ZNF736: variants seen among roughly 807,000 people sequenced by gnomAD.
ZNF736 encodes zinc finger protein 736.
In ZNF736, 6 loss-of-function variants were observed where a neutral mutation model predicts 11.7. That is an observed-to-expected ratio of 0.51 (90% CI 0.28 to 1.01). The LOEUF (loss-of-function observed/expected upper bound fraction) is 1.01. Ranked by LOEUF, ZNF736 falls within the 50% of genes least tolerant of loss-of-function variation. The pLI, the probability that ZNF736 is intolerant of heterozygous loss-of-function variation, is 0.09. For synonymous variants in ZNF736, 139 were observed against 164.7 expected (o/e 0.84, Z 1.19); for missense variants, 444 against 496.0 (o/e 0.90, Z 1.00).
chr7:64,336,204 T>G (rs1268697049), intron 1 of ZNF736, 55 bp from the exon 2 acceptor site: 20 of 1,571,768 alleles, frequency 1.3e-5, no homozygotes, highest in Non-Finnish European at 1.7e-5. Context: ...TTTTACCTGA[T>G]GTCAAATCAA....
rs183085180 is a variant in ZNF736 at position 64,322,461 on chromosome 7, C to T, written c.3+8308C>T. 2.6e-3 allele frequency among the ~76,000 whole-genome samples: 389 copies of T among 152,132 alleles called. 2 individuals are homozygous for T. Among genetic ancestry groups the T allele is most frequent in the African/African-American group, 9.1e-3 (378 of 41,518 alleles). ...CCTTTGGGAATCATGTTTGATAATGCTATGTACAATATGCCAAGCACTGTT... is the reference window on the plus strand; with the variant it reads ...CCTTTGGGAATCATGTTTGATAATGTTATGTACAATATGCCAAGCACTGTT... On this transcript the variant is annotated intron_variant, in intron 1 of 3. Transcript: ENST00000423484.
intron 1 of ZNF736, among the ~76,000 whole-genome samples, 164 bp downstream of exon 1, chr7:64,314,317 A>T (rs1340025597): frequency 1.3e-5 from 2 of 152,130 alleles, no homozygotes; most frequent in Admixed American, 1.3e-4. Flanking sequence ...ATCGCAGATT[A>T]GGGGCTGAGC....
rs756205954 is a variant in ZNF736, at chr7:64,348,804, C to A, written c.941C>A (p.Thr314Lys). Residue 314 changes from threonine to lysine, a missense_variant, in exon 4 of 4, where the codon ACA becomes AAA. Thr to Lys is a moderately conservative substitution (Grantham distance 78, BLOSUM62 -1). Coordinates refer to ENST00000423484, the MANE Select transcript of ZNF736 (RefSeq NM_001170905.3). ...KIIHTGDKPY[T>K]CNECGKAFKW... ...ATTCATACTGGAGACAAACCCTACA[C>A]ATGTAATGAATGTGGAAAAGCTTTT... is the stretch of plus-strand genomic sequence containing the variant. The A allele has an allele frequency of 8.2e-6, 13 of 1,585,206 alleles. No individual in the cohort carries two copies. Among genetic ancestry groups the A allele is most frequent in the East Asian group, 2.3e-5 (1 of 43,142 alleles).
In ZNF736 at chr7:64,352,427, C is replaced by T. The variant is rs1789500909; in HGVS notation, c.*3280C>T. ...GGACCCACTTAAGAAAGCAGTCTAG[C>T]CATATTTTTGCAGGACAGCTCTGCT... On this transcript the variant is annotated 3_prime_UTR_variant, in exon 4 of 4. Transcript: ENST00000423484. The T allele has an allele frequency of 2.0e-5, 3 of 152,230 alleles. No homozygotes were observed. The highest frequency in any genetic ancestry group is 1.3e-4 in the Admixed American group (2 of 15,280). 9.4% of individuals were successfully genotyped at this position (152,230 alleles called of 1,614,324 possible).
Position 64,354,294 on chromosome 7 carries a change from T to A in ZNF736, c.*5147T>A, listed in dbSNP as rs1167064888. On this transcript the variant is annotated 3_prime_UTR_variant, in exon 4 of 4. Coordinates refer to ENST00000423484, the MANE Select transcript of ZNF736 (RefSeq NM_001170905.3). The stretch of plus-strand genomic sequence containing the variant: ...GTTTTGGTTTACATGGATTTAAATA[T>A]ATAGATATATCACTGTAAAATAAAC... The A allele has an allele frequency of 6.6e-6, 1 of 152,176 alleles. No homozygotes were observed. Among genetic ancestry groups the A allele is most frequent in the African/African-American group, 2.4e-5 (1 of 41,452 alleles). 9.4% of individuals were successfully genotyped at this position (152,176 alleles called of 1,614,324 possible).
Position 64,337,755 on chromosome 7 carries a change from G to GTTTTTTTTT in ZNF736, c.226+773_226+774insTTTTTTTTT, listed in dbSNP as rs147991832. 7.0e-5 allele frequency among the ~76,000 whole-genome samples: 6 copies of GTTTTTTTTT among 86,254 alleles called. 2 individuals are homozygous for GTTTTTTTTT. The highest frequency in any genetic ancestry group is 8.2e-5 in the Non-Finnish European group (4 of 49,024). 56.6% of individuals were successfully genotyped at this position (86,254 alleles called of 152,430 possible). A position where few individuals can be genotyped will look rare whatever the true frequency, so the allele number is the denominator to read the frequency against. ...TGTTTTGTTTTGTTTTGTTTTTTTTGGTTTTTTTTTTTTTTTGAGACAGAG... is the reference window on the plus strand; with the variant it reads ...TGTTTTGTTTTGTTTTGTTTTTTTTGTTTTTTTTTGTTTTTTTTTTTTTTTGAGACAGAG... On this transcript the variant is annotated intron_variant, in intron 3 of 3. Transcript: ENST00000423484.
Position 64,345,732 on chromosome 7 carries a change from T to TAA in ZNF736, c.227-2339_227-2338dup, listed in dbSNP as rs60388880. Among the ~76,000 whole-genome samples the TAA allele has an allele frequency of 1.1e-3, 89 of 82,870 alleles. 3 individuals carry two copies. The highest frequency in any genetic ancestry group is 3.8e-3 in the African/African-American group (74 of 19,518). 54.4% of individuals were successfully genotyped at this position (82,870 alleles called of 152,430 possible). On this transcript the variant is annotated intron_variant, in intron 3 of 3. Transcript: ENST00000423484. The stretch of plus-strand genomic sequence containing the variant: ...CTGGTGACAGAGCAATACTCCATCT[T>TAA]AAAAAAAAAAAAAAAAAAAAGGTGT...
intron 1 of ZNF736, among the ~76,000 whole-genome samples, chr7:64,329,236 G>A (rs1789124282): frequency 6.6e-6 from 1 of 151,842 alleles, no homozygotes; most frequent in African/African-American, 2.4e-5. Flanking sequence ...TCTGTCTCAG[G>A]ATTTGCACAC....
At chr7:64,336,702 A>G (rs1309242445) in intron 2 of ZNF736, among the ~76,000 whole-genome samples, 185 bp from the exon 3 acceptor site, 1 of 152,216 alleles carries the variant, frequency 6.6e-6, no homozygotes, top group Non-Finnish European at 1.5e-5. Context: ...TTACTGGGTA[A>G]TAGAGCTAAG....
intron 3 of ZNF736, among the ~76,000 whole-genome samples, chr7:64,337,916 G>A (rs1245210183): frequency 4.6e-5 from 7 of 151,736 alleles, no homozygotes; most frequent in South Asian, 2.1e-4. Context: ...CACCACACCC[G>A]GCTAATTTTG....
At chr7:64,333,658 G>GAAAA (rs11412946) in intron 1 of ZNF736, among the ~76,000 whole-genome samples, 2 of 150,510 alleles carry the variant, frequency 1.3e-5, no homozygotes, top group Non-Finnish European at 3.0e-5. Context: ...GACACAAATG[G>GAAAA]AAAAAAAAAA....
At chr7:64,315,452 C>T (rs1788903192) in intron 1 of ZNF736, among the ~76,000 whole-genome samples, 1 of 151,960 alleles carries the variant, frequency 6.6e-6, no homozygotes, top group Non-Finnish European at 1.5e-5. Context: ...ATTTGCAGCC[C>T]TCCGGTGGAA....
chr7:64,344,294 C>T (rs894527780), intron 3 of ZNF736, among the ~76,000 whole-genome samples: 1 of 152,132 alleles, frequency 6.6e-6, no homozygotes, highest in African/African-American at 2.4e-5. Flanking sequence ...AAGAGCAAAA[C>T]TCTGTCTAAA....
chr7:64,342,103 T>C (rs1789345753), intron 3 of ZNF736, among the ~76,000 whole-genome samples: 1 of 152,208 alleles, frequency 6.6e-6, no homozygotes, highest in African/African-American at 2.4e-5. Context: ...CTCCTTTTTA[T>C]GCTGTAAGGA....
chr7:64,323,359 A>G lies in ZNF736; in HGVS notation c.3+9206A>G, dbSNP rs531118763. ...ATGAAACACTTGTGATTACATTTCAATAGGTTCTGTGCTCTCAAAGTATGT... is the reference window on the plus strand; with the variant it reads ...ATGAAACACTTGTGATTACATTTCAGTAGGTTCTGTGCTCTCAAAGTATGT... On this transcript the variant is annotated intron_variant, in intron 1 of 3. Transcript: ENST00000423484. 6.7e-4 allele frequency among the ~76,000 whole-genome samples: 102 copies of G among 152,330 alleles called. 1 individual carries two copies. The highest frequency in any genetic ancestry group is 2.0e-3 in the African/African-American group (82 of 41,582).
chr7:64,329,128 A>G (rs1789122692), intron 1 of ZNF736, among the ~76,000 whole-genome samples: 1 of 151,692 alleles, frequency 6.6e-6, no homozygotes, highest in African/African-American at 2.4e-5. Flanking sequence ...TATCAATTTT[A>G]TTGGATCCAG....
chr7:64,328,270 T>G (rs1446804005), intron 1 of ZNF736, among the ~76,000 whole-genome samples: 1 of 146,870 alleles, frequency 6.8e-6, no homozygotes, highest in Admixed American at 6.8e-5. Context: ...TTTTTTATGG[T>G]AGAAGGATAT....
chr7:64,321,924 A>G (rs1206434059), intron 1 of ZNF736, among the ~76,000 whole-genome samples: 1 of 152,234 alleles, frequency 6.6e-6, no homozygotes, highest in African/African-American at 2.4e-5. Flanking sequence ...GGCCTTTTTA[A>G]TACGGTTTAT....
intron 3 of ZNF736, among the ~76,000 whole-genome samples, chr7:64,344,898 A>G (rs1375249205): frequency 6.6e-6 from 1 of 150,638 alleles, no homozygotes; most frequent in Non-Finnish European, 1.5e-5. Context: ...TGTTAAGCAT[A>G]ATGCTTCCAA....
Sources: allele counts gnomAD v4.1 joint callset (sites outside exome capture counted in the v4.1 genomes callset), GRCh38; gene constraint gnomAD v4.1.1; transcripts MANE v1.5; gene names NCBI Gene and HGNC (gene_info 2026-07-23, HGNC 2026-07-21).